Variants in DKK2 observed in about 807,000 individuals in gnomAD.
DKK2 encodes the protein dickkopf-related protein 2.
A neutral mutation model predicts 28.1 loss-of-function variants in DKK2; 11 were observed. That is an observed-to-expected ratio of 0.39 (90% CI 0.25 to 0.65). The LOEUF (loss-of-function observed/expected upper bound fraction) is 0.65, where lower values mean the gene tolerates loss of function less well. Among genes scored for constraint, DKK2 ranks in the 30% least tolerant of loss-of-function variants. The pLI is 0.47. For missense variants in DKK2, 326 were observed against 335.5 expected (o/e 0.97, Z 0.22); for synonymous variants, 135 against 126.5 (o/e 1.07, Z -0.45).
In DKK2 at chr4:106,955,212, ATAATGTT is replaced by A. The variant is rs570944691; in HGVS notation, c.223-29270_223-29264del. Among the ~76,000 whole-genome samples the A allele has an allele frequency of 3.2e-3, 492 of 152,270 alleles. 2 individuals carry two copies. The highest frequency in any genetic ancestry group is 0.011 in the African/African-American group (473 of 41,562). On this transcript the variant is annotated intron_variant, in intron 1 of 3. Coordinates refer to ENST00000285311, the MANE Select transcript of DKK2 (RefSeq NM_014421.3). ...TTTTAATGTTATAATGTTATTTCTT[ATAATGTT>A]TAATGTTTAATGCCCTCCCAAAAGC...
intron 1 of DKK2, among the ~76,000 whole-genome samples, chr4:107,010,351 CCTATTTT>C (rs1723499143): frequency 6.6e-6 from 1 of 151,614 alleles, no homozygotes; most frequent in Admixed American, 6.6e-5. Flanking sequence ...TAATTCTATT[CCTATTTT>C]CTAAGTTGAA....
At chr4:107,028,291 G>T (rs189821710) in intron 1 of DKK2, among the ~76,000 whole-genome samples, 2 of 152,116 alleles carry the variant, frequency 1.3e-5, no homozygotes, top group Non-Finnish European at 2.9e-5. Flanking sequence ...TTTCCTTCTT[G>T]TACATCATAT....
chr4:106,951,950 A>C (rs2110347091), intron 1 of DKK2, among the ~76,000 whole-genome samples: 1 of 152,328 alleles, frequency 6.6e-6, no homozygotes, highest in South Asian at 2.1e-4. Context: ...TAAATGCCAT[A>C]AAACAGAAAC....
intron 1 of DKK2, among the ~76,000 whole-genome samples, chr4:107,009,456 T>C (rs1029958943): frequency 6.6e-6 from 1 of 151,912 alleles, no homozygotes; most frequent in Admixed American, 6.6e-5. Flanking sequence ...TCTGTATTTA[T>C]GAAATATTAC....
At chr4:106,962,147 A>G (rs76476018) in intron 1 of DKK2, among the ~76,000 whole-genome samples, 9,362 of 152,238 alleles carry the variant, frequency 0.061, 316 homozygotes, top group Non-Finnish European at 0.074. Context: ...CCATTACAGT[A>G]CTATTAGCAG....
At chr4:106,996,660 A>G (rs1287180052) in intron 1 of DKK2, among the ~76,000 whole-genome samples, 1 of 152,176 alleles carries the variant, frequency 6.6e-6, no homozygotes, top group Non-Finnish European at 1.5e-5. Context: ...ACAAACTAGC[A>G]GGATGAGGAA....
Position 106,922,279 on chromosome 4 carries a change from G to T in DKK2, c.*1675C>A, listed in dbSNP as rs1724356931. 6.6e-6 allele frequency: 1 copy of T among 152,066 alleles called. No homozygotes were observed. Among genetic ancestry groups the T allele is most frequent in the Admixed American group, 6.6e-5 (1 of 15,234 alleles). 9.4% of individuals were successfully genotyped at this position (152,066 alleles called of 1,614,324 possible). ...AACTTAAATTTGAGACTGCAGATGG[G>T]ATTTAAGTAAAAGAAAACTAAAAAG... On this transcript the variant is annotated 3_prime_UTR_variant, in exon 4 of 4. Coordinates refer to ENST00000285311, the MANE Select transcript of DKK2 (RefSeq NM_014421.3).
chr4:107,035,240 T>G, intron 1 of DKK2, 130 bp downstream of exon 1: 1 of 1,123,268 alleles, frequency 8.9e-7, no homozygotes, highest in South Asian at 1.5e-5. Flanking sequence ...GGTGAATCCC[T>G]CCCCAGCCGC....
chr4:106,959,545 A>T (rs1232606411), intron 1 of DKK2, among the ~76,000 whole-genome samples: 2 of 152,118 alleles, frequency 1.3e-5, no homozygotes, highest in African/African-American at 4.8e-5. Context: ...AGTGTGATCT[A>T]GACTCAAAAT....
rs1354801110 is a variant in DKK2, at chr4:106,986,174, G to C, written c.222+49196C>G. ...TATTTCCAGAATTCCCTGAAGTTTT[G>C]ACAGCCACTGTATTTTGACGCTAAA... On this transcript the variant is annotated intron_variant, in intron 1 of 3. Coordinates refer to ENST00000285311, the MANE Select transcript of DKK2 (RefSeq NM_014421.3). Among the ~76,000 whole-genome samples the C allele has an allele frequency of 2.0e-5, 3 of 152,112 alleles. No homozygotes were observed. The East Asian group carries it at 5.8e-4, about 29-fold the overall frequency.
chr4:106,984,964 C>T (rs1015122023), intron 1 of DKK2, among the ~76,000 whole-genome samples: 1 of 152,150 alleles, frequency 6.6e-6, no homozygotes, highest in Non-Finnish European at 1.5e-5. Flanking sequence ...AATCCCAGAA[C>T]TCTGGGAGAC....
intron 1 of DKK2, among the ~76,000 whole-genome samples, chr4:106,990,649 T>A (rs965872385): frequency 5.9e-5 from 9 of 152,264 alleles, no homozygotes; most frequent in Admixed American, 2.6e-4. Context: ...GAACACAGAC[T>A]TGTGGAAAGG....
intron 1 of DKK2, among the ~76,000 whole-genome samples, chr4:106,933,580 G>A (rs1257236823): frequency 6.6e-6 from 1 of 152,146 alleles, no homozygotes; most frequent in African/African-American, 2.4e-5. Context: ...ATACACCTAT[G>A]TCTTGCTGGC....
intron 1 of DKK2, among the ~76,000 whole-genome samples, chr4:106,988,974 G>A (rs187939230): frequency 1.3e-5 from 2 of 152,314 alleles, no homozygotes; most frequent in Admixed American, 1.3e-4. Context: ...TGGGGTTGAA[G>A]CTAGGCTCAC....
At chr4:106,935,455 G>A (rs1018944621) in intron 1 of DKK2, among the ~76,000 whole-genome samples, 13 of 152,302 alleles carry the variant, frequency 8.5e-5, no homozygotes, top group Admixed American at 4.6e-4. Context: ...CACCTGGCTC[G>A]GAGGGTCCTA....
At chr4:107,005,358 A>C (rs903673281) in intron 1 of DKK2, among the ~76,000 whole-genome samples, 11 of 149,720 alleles carry the variant, frequency 7.3e-5, no homozygotes, top group African/African-American at 2.0e-4. Context: ...AAAAAAAAAA[A>C]AAACAAAAAC....
chr4:106,922,216 A>G lies in DKK2; in HGVS notation c.*1738T>C, dbSNP rs1198288837. On this transcript the variant is annotated 3_prime_UTR_variant, in exon 4 of 4. Transcript: ENST00000285311. ...ATATATGTGGGAAGTTGAAATTTTTAATAGATATACAGGCTCAAACTCAAT... is the reference window on the plus strand; with the variant it reads ...ATATATGTGGGAAGTTGAAATTTTTGATAGATATACAGGCTCAAACTCAAT... The G allele has an allele frequency of 6.6e-6, 1 of 152,268 alleles. No individual in the cohort carries two copies. Among genetic ancestry groups the G allele is most frequent in the Non-Finnish European group, 1.5e-5 (1 of 68,020 alleles). The allele number at this position is 152,268 out of a possible 1,614,324, so 9.4% of individuals were successfully genotyped here.
At chr4:106,994,795 A>G (rs1723249066) in intron 1 of DKK2, among the ~76,000 whole-genome samples, 1 of 152,038 alleles carries the variant, frequency 6.6e-6, no homozygotes, top group Non-Finnish European at 1.5e-5. Context: ...TCCTGGTGCT[A>G]CTCCATGGAA....
At chr4:107,013,183 G>A (rs1723539384) in intron 1 of DKK2, among the ~76,000 whole-genome samples, 1 of 151,022 alleles carries the variant, frequency 6.6e-6, no homozygotes, top group Non-Finnish European at 1.5e-5. Flanking sequence ...TAAAGGAAAC[G>A]ATCCTAAAAC....
Sources: allele counts gnomAD v4.1 joint callset (sites outside exome capture counted in the v4.1 genomes callset), GRCh38; gene constraint gnomAD v4.1.1; transcripts MANE v1.5; gene names NCBI Gene and HGNC (gene_info 2026-07-23, HGNC 2026-07-21).